Variants in THSD4 observed in about 807,000 individuals in gnomAD.
THSD4 encodes the protein thrombospondin type 1 domain containing 4.
THSD4 carries 69 observed loss-of-function variants against 119.0 expected under a neutral mutation model. The ratio of observed to expected loss-of-function variants is 0.58; its 90% CI spans 0.48 to 0.71. THSD4 has a LOEUF of 0.71. THSD4 is among the 30% of genes least tolerant of loss of function. THSD4 has a pLI of 0.00. For synonymous variants in THSD4, 524 were observed against 540.4 expected (o/e 0.97, Z 0.42); for missense variants, 1,393 against 1,391.1 (o/e 1.00, Z -0.02).
At chr15:71,724,346 C>T (rs1391570060) in intron 8 of THSD4, among the ~76,000 whole-genome samples, 1 of 143,882 alleles carries the variant, frequency 7.0e-6, no homozygotes, top group African/African-American at 2.5e-5. Context: ...AGTGCAGTGG[C>T]GTGGTCTCGG....
At chr15:71,546,688 C>T (rs190791232) in intron 7 of THSD4, among the ~76,000 whole-genome samples, 1 of 152,288 alleles carries the variant, frequency 6.6e-6, no homozygotes, top group East Asian at 1.9e-4. Flanking sequence ...TAATGGCTTC[C>T]ACAGTTCCCA....
rs556912205 is a variant in THSD4 at position 71,281,417 on chromosome 15, C to T, written c.1015+24702C>T. ...GCTCTCCATAGAAATGTGATTCAAG[C>T]GAAAGCTGGGAGCCTCTATAAACAT... is the stretch of plus-strand genomic sequence containing the variant. On this transcript the variant is annotated intron_variant, in intron 6 of 17. Transcript: ENST00000261862. Among the ~76,000 whole-genome samples the T allele has an allele frequency of 6.6e-5, 10 of 152,278 alleles. No individual in the cohort carries two copies. The South Asian group carries it at 2.1e-3, about 32-fold the overall frequency.
chr15:71,341,086 T>C, intron 6 of THSD4: 1 of 1,101,374 alleles, frequency 9.1e-7, no homozygotes, highest in Non-Finnish European at 1.3e-6. Flanking sequence ...TTTTCTTTTC[T>C]ATTGTCTCTT....
chr15:71,456,777 T>G (rs2047346528), intron 7 of THSD4, among the ~76,000 whole-genome samples: 1 of 152,174 alleles, frequency 6.6e-6, no homozygotes, highest in African/African-American at 2.4e-5. Flanking sequence ...TCACCTCTTT[T>G]CATAGCAGCA....
At chr15:71,454,296 T>C (rs555886247) in intron 7 of THSD4, among the ~76,000 whole-genome samples, 42 of 152,316 alleles carry the variant, frequency 2.8e-4, no homozygotes, top group African/African-American at 9.6e-4. Context: ...CTCTTTCCTC[T>C]CTTGCACCTC....
chr15:71,265,158 C>T (rs982809902), intron 6 of THSD4, among the ~76,000 whole-genome samples: 1 of 152,048 alleles, frequency 6.6e-6, no homozygotes, highest in South Asian at 2.1e-4. Context: ...ACAGTGGTGG[C>T]TGGCAAGATG....
At chr15:71,752,172 A>T (rs2053459676) in intron 14 of THSD4, among the ~76,000 whole-genome samples, 1 of 152,198 alleles carries the variant, frequency 6.6e-6, no homozygotes, top group South Asian at 2.1e-4. Context: ...CAGAGAAAAA[A>T]CAACTCTGTG....
intron 6 of THSD4, among the ~76,000 whole-genome samples, chr15:71,358,182 G>A (rs1032561061): frequency 6.6e-6 from 1 of 152,188 alleles, no homozygotes; most frequent in Non-Finnish European, 1.5e-5. Context: ...GAGCCTCAAA[G>A]GTGTCTCTCT....
At chr15:71,166,884 C>G (rs2141396644) in intron 3 of THSD4, 1 of 152,252 alleles carries the variant, frequency 6.6e-6, no homozygotes, top group Middle Eastern at 3.4e-3. Context: ...CTTGTCAAAG[C>G]ATTATTAAGA....
At chr15:71,605,129 C>A (rs192306947) in intron 7 of THSD4, among the ~76,000 whole-genome samples, 1 of 152,182 alleles carries the variant, frequency 6.6e-6, no homozygotes, top group African/African-American at 2.4e-5. Flanking sequence ...GTTTAAGAAA[C>A]AACAAGGTGA....
chr15:71,693,542 A>T (rs940660492), intron 8 of THSD4, among the ~76,000 whole-genome samples: 1 of 152,066 alleles, frequency 6.6e-6, no homozygotes, highest in African/African-American at 2.4e-5. Context: ...AGCTACTTGG[A>T]GGCTGAGGTG....
Position 71,146,706 on chromosome 15 carries a change from G to A in THSD4, c.29+5150G>A, listed in dbSNP as rs139348701. ...GCAAGTGTCCAGGGAAGAATCGGCC[G>A]CAGTCTTGTCTGTGGGAAGCCCGGG... is the stretch of plus-strand genomic sequence containing the variant. On this transcript the variant is annotated intron_variant, in intron 2 of 17. Transcript: ENST00000261862. 1.8e-3 allele frequency among the ~76,000 whole-genome samples: 267 copies of A among 152,276 alleles called. 1 individual carries two copies. Among genetic ancestry groups the A allele is most frequent in the African/African-American group, 6.2e-3 (258 of 41,552 alleles).
intron 8 of THSD4, among the ~76,000 whole-genome samples, chr15:71,706,723 C>T (rs2052400008): frequency 1.3e-5 from 2 of 152,132 alleles, no homozygotes; most frequent in South Asian, 4.1e-4. Flanking sequence ...GGTTAACATG[C>T]TACCAACGTG....
At position 71,215,074 on chromosome 15, in the gene THSD4, G is replaced by A. The variant is rs1346667415; in HGVS notation, c.139G>A (p.Asp47Asn). 1 of 1,301,236 alleles carries A rather than the reference G, an allele frequency of 7.7e-7. No individual in the cohort carries two copies. The allele number at this position is 1,301,236 out of a possible 1,614,324, so 80.6% of individuals were successfully genotyped here. The change falls in exon 4 of 18, where the codon GAC becomes AAC. Residue 47 changes from aspartate (D) to asparagine (N), a missense_variant. Transcript: ENST00000261862. ...GGCGGCGGAGGGCGCCCCCGAGGAC[G>A]ACGGCGGCGGCGGCGCCCCGGGAGT... ...RMAAEGAPED[D>N]GGGGAPGVWG... is the part of the protein sequence containing the mutation.
intron 4 of THSD4, among the ~76,000 whole-genome samples, chr15:71,225,846 C>T (rs1487352859): frequency 6.6e-6 from 1 of 152,132 alleles, no homozygotes; most frequent in African/African-American, 2.4e-5. Flanking sequence ...AGGCCTCAAA[C>T]ACCTTTCCAA....
intron 17 of THSD4, among the ~76,000 whole-genome samples, chr15:71,774,917 C>CA (rs1221096089): frequency 7.9e-5 from 12 of 152,290 alleles, no homozygotes; most frequent in African/African-American, 2.4e-4. Flanking sequence ...GAGGCCAAGG[C>CA]AGGCGGATCA....
intron 6 of THSD4, among the ~76,000 whole-genome samples, chr15:71,340,445 A>T (rs1048320908): frequency 3.9e-5 from 6 of 152,018 alleles, no homozygotes; most frequent in Non-Finnish European, 5.9e-5. Flanking sequence ...CTGAAACCAA[A>T]TCCATGAGGG....
chr15:71,559,758 G>A (rs575442527), intron 7 of THSD4, among the ~76,000 whole-genome samples: 29 of 152,152 alleles, frequency 1.9e-4, no homozygotes, highest in African/African-American at 7.0e-4. Context: ...ATGGCCTTTA[G>A]TTCCTTACTT....
intron 6 of THSD4, among the ~76,000 whole-genome samples, chr15:71,307,286 G>T (rs994308350): frequency 6.6e-6 from 1 of 152,152 alleles, no homozygotes; most frequent in Non-Finnish European, 1.5e-5. Flanking sequence ...GGCGGTGGCT[G>T]TGTGACCTCT....
Sources: allele counts gnomAD v4.1 joint callset (sites outside exome capture counted in the v4.1 genomes callset), GRCh38; gene constraint gnomAD v4.1.1; transcripts MANE v1.5; gene names NCBI Gene and HGNC (gene_info 2026-07-23, HGNC 2026-07-21).